Variants in MRC1 observed in about 807,000 individuals in gnomAD.
MRC1 encodes macrophage mannose receptor 1.
Under a neutral mutation model 102.9 loss-of-function variants are expected in MRC1, and 62 were observed. The observed-to-expected ratio is 0.60, with a 90% CI of 0.49 to 0.74. MRC1 has a LOEUF of 0.74. Among genes scored for constraint, MRC1 ranks in the 30% least tolerant of loss-of-function variants. MRC1 has a pLI of 0.00. For missense variants in MRC1, 1,237 were observed against 862.8 expected, an observed-to-expected ratio of 1.43 and a Z score of -5.43; for synonymous variants, 457 against 298.4, an observed-to-expected ratio of 1.53 and a Z score of -5.48.
chr10:17,848,921 T>C (rs1351090762), intron 6 of MRC1, among the ~76,000 whole-genome samples: 1 of 152,158 alleles, frequency 6.6e-6, no homozygotes, highest in Non-Finnish European at 1.5e-5. Context: ...TCCAGCTCTC[T>C]ACTTCAACAC....
chr10:17,906,324 C>G (rs1292775321), intron 26 of MRC1, among the ~76,000 whole-genome samples: 2 of 147,096 alleles, frequency 1.4e-5, no homozygotes, highest in South Asian at 4.3e-4. Context: ...TGCCTGTGGA[C>G]CAGATTGGTG....
intron 14 of MRC1, 62 bp downstream of exon 14, chr10:17,870,997 C>CTT (rs1337197257): frequency 1.5e-5 from 12 of 782,996 alleles, no homozygotes; most frequent in Admixed American, 1.2e-4. Flanking sequence ...TTGATGTTGT[C>CTT]TTTTTTTTTA....
At chr10:17,861,279 C>G (rs1833180669) in intron 9 of MRC1, 108 bp from the exon 10 acceptor site, 1 of 603,320 alleles carries the variant, frequency 1.7e-6, no homozygotes, top group Non-Finnish European at 3.0e-6. Flanking sequence ...CGCCATTGTA[C>G]TCCAGCCTGG....
chr10:17,863,394 C>A (rs1833213721), intron 10 of MRC1, 140 bp from the exon 11 acceptor site: 2 of 680,310 alleles, frequency 2.9e-6, no homozygotes, highest in South Asian at 3.5e-5. Flanking sequence ...AGATGACATA[C>A]AAATATAACA....
intron 5 of MRC1, among the ~76,000 whole-genome samples, chr10:17,844,104 T>C (rs1306309550): frequency 6.6e-6 from 1 of 152,248 alleles, no homozygotes; most frequent in African/African-American, 2.4e-5. Flanking sequence ...GGATAAGGCA[T>C]AGCTGCTGAA....
At chr10:17,863,879 G>A (rs1833223313) in intron 11 of MRC1, among the ~76,000 whole-genome samples, 197 bp downstream of exon 11, 1 of 150,420 alleles carries the variant, frequency 6.6e-6, no homozygotes, top group South Asian at 2.1e-4. Flanking sequence ...TAGGTTTAGT[G>A]TTCTAAAGAA....
chr10:17,827,479 T>C (rs918831288), intron 2 of MRC1, 63 bp from the exon 3 acceptor site: 7 of 737,494 alleles, frequency 9.5e-6, no homozygotes, highest in East Asian at 8.0e-5. Context: ...AGGCTTCTTA[T>C]TGGAAAGTTA....
At chr10:17,885,580 G>T in intron 22 of MRC1, 145 bp downstream of exon 22, 1 of 667,668 alleles carries the variant, frequency 1.5e-6, no homozygotes, top group South Asian at 1.8e-5. Context: ...TTCAGACTGA[G>T]CTGACTTTGA....
chr10:17,840,952 C>T (rs1163513879), intron 5 of MRC1, 146 bp downstream of exon 5: 2 of 720,244 alleles, frequency 2.8e-6, no homozygotes, highest in African/African-American at 3.5e-5. Context: ...GTTTTGAAAT[C>T]TATGCTAGAT....
At chr10:17,855,199 T>C (rs1440340262) in intron 8 of MRC1, among the ~76,000 whole-genome samples, 2 of 152,030 alleles carry the variant, frequency 1.3e-5, no homozygotes, top group Non-Finnish European at 2.9e-5. Context: ...GTTGGTGTGT[T>C]GGGTGCAGGA....
rs1348724387 is a variant in MRC1 at position 17,813,697 on chromosome 10, TATA to T, written c.61+4172_61+4174del. On this transcript the variant is annotated intron_variant, in intron 1 of 29. Transcript: ENST00000569591. ...CACACACACATTATATATATATATA[TATA>T]TTTTTTTTTTTTTTTGAGACAGGGT... Among the ~76,000 whole-genome samples, 691 of 102,356 alleles carry T rather than the reference TATA, an allele frequency of 6.8e-3. 4 individuals are homozygous for T. The highest frequency in any genetic ancestry group is 0.024 in the African/African-American group (639 of 26,902). The allele number at this position is 102,356 out of a possible 152,430, so 67.1% of individuals were successfully genotyped here.
chr10:17,833,642 A>T lies in MRC1; in HGVS notation c.638-33A>T, dbSNP rs563535166. 1.0e-5 allele frequency: 8 copies of T among 781,042 alleles called. No homozygotes were observed. The Admixed American group carries it at 1.2e-4, about 12-fold the overall frequency. 48.4% of individuals were successfully genotyped at this position (781,042 alleles called of 1,614,324 possible). ...TTCACTGGAAGTGTTTTCTATGCAT[A>T]ATGAACCAAATTCCATCTGATTTCT... On this transcript the variant is annotated intron_variant, in intron 3 of 29. Transcript: ENST00000569591.
In MRC1 at chr10:17,897,514, A is replaced by G. The variant is rs35764569; in HGVS notation, c.3251-520A>G. Among the ~76,000 whole-genome samples, 584 of 151,730 alleles carry G rather than the reference A, an allele frequency of 3.8e-3. 6 individuals are homozygous for G. Among genetic ancestry groups the G allele is most frequent in the African/African-American group, 0.013 (527 of 41,384 alleles). ...GGTTAAACGAACCAGGGACTTGTGT[A>G]TGGCTGCATTCCAGAATCTACACCC... On this transcript the variant is annotated intron_variant, in intron 23 of 29. Coordinates refer to ENST00000569591, the MANE Select transcript of MRC1 (RefSeq NM_002438.4).
chr10:17,867,268 C>A (rs1349334390), intron 12 of MRC1, among the ~76,000 whole-genome samples: 2 of 148,982 alleles, frequency 1.3e-5, no homozygotes, highest in African/African-American at 4.9e-5. Context: ...CCTTCCTCCT[C>A]CTCCTCTTCT....
chr10:17,875,923 A>G (rs1833430158), intron 17 of MRC1, among the ~76,000 whole-genome samples: 3 of 152,222 alleles, frequency 2.0e-5, no homozygotes. Flanking sequence ...CCATGCCAAC[A>G]TCTATTATAT....
intron 25 of MRC1, 150 bp downstream of exon 25, chr10:17,901,103 A>G (rs1487994631): frequency 3.0e-6 from 2 of 666,922 alleles, no homozygotes; most frequent in Admixed American, 2.5e-5. Flanking sequence ...GACTATCTTT[A>G]TAAACCAACA....
At chr10:17,872,215 A>C in intron 15 of MRC1, 89 bp downstream of exon 15, 1 of 776,508 alleles carries the variant, frequency 1.3e-6, no homozygotes, top group Non-Finnish European at 2.4e-6. Flanking sequence ...AGAAGCAAAC[A>C]AACAAAATAA....
At chr10:17,887,354 G>T (rs984109179) in intron 22 of MRC1, among the ~76,000 whole-genome samples, 57 of 152,280 alleles carry the variant, frequency 3.7e-4, no homozygotes, top group Non-Finnish European at 6.9e-4. Flanking sequence ...TCGCGCCACT[G>T]CACTCCAGCC....
Position 17,861,458 on chromosome 10 carries a change from A to C in MRC1, c.1590A>C (p.Gln530His). Reference protein sequence around the residue: ...HTLSTFAEANQTCNNENAYLT... With the variant: ...HTLSTFAEANHTCNNENAYLT... ...TTTCAACATTTGCAGAAGCAAACCA[A>C]ACCTGTAATAATGAGAATGCTTATT... is the stretch of plus-strand genomic sequence containing the variant. Residue 530 changes from glutamine (Q) to histidine (H), a missense_variant, in exon 10 of 30, where the codon CAA (glutamine) becomes CAC (histidine). Coordinates refer to ENST00000569591, the MANE Select transcript of MRC1 (RefSeq NM_002438.4). 1.1e-6 allele frequency: 1 copy of C among 872,460 alleles called. No individual in the cohort carries two copies. Among genetic ancestry groups the C allele is most frequent in the Non-Finnish European group, 2.0e-6 (1 of 501,368 alleles). 54.0% of individuals were successfully genotyped at this position (872,460 alleles called of 1,614,324 possible).
Sources: allele counts gnomAD v4.1 joint callset (sites outside exome capture counted in the v4.1 genomes callset), GRCh38; gene constraint gnomAD v4.1.1; transcripts MANE v1.5; gene names NCBI Gene and HGNC (gene_info 2026-07-23, HGNC 2026-07-21).